Variants in NEB observed in about 807,000 individuals in gnomAD.
The protein encoded by NEB is nemaline myopathy type 2.
A neutral mutation model predicts 952.2 loss-of-function variants in NEB; 512 were observed. That is an observed-to-expected ratio of 0.54 (90% confidence interval 0.50 to 0.58). The LOEUF (loss-of-function observed/expected upper bound fraction) is 0.58, where lower values mean the gene tolerates loss of function less well. NEB is among the 20% of genes least tolerant of loss of function. The pLI is 0.00. For synonymous variants in NEB, 2,900 were observed against 3,149.8 expected (o/e 0.92, Z 2.66); for missense variants, 8,428 against 9,231.1 (o/e 0.91, Z 3.56).
At chr2:151,698,559 A>G (rs1266881651) in intron 13 of NEB, among the ~76,000 whole-genome samples, 1 of 151,648 alleles carries the variant, frequency 6.6e-6, no homozygotes, top group Non-Finnish European at 1.5e-5. Flanking sequence ...ATGAAATGTG[A>G]TCTTTTCTTT....
At chr2:151,541,692 C>G in intron 135 of NEB, 141 bp from the exon 136 acceptor site, 1 of 638,696 alleles carries the variant, frequency 1.6e-6, no homozygotes, top group Non-Finnish European at 2.8e-6. Context: ...ATAAACCAAC[C>G]TTTTATTTAC....
At chr2:151,694,984 T>C (rs1176773808) in intron 18 of NEB, among the ~76,000 whole-genome samples, 2 of 152,216 alleles carry the variant, frequency 1.3e-5, no homozygotes, top group Admixed American at 1.3e-4. Flanking sequence ...TTAAGTTCTC[T>C]GCAAAGGTTA....
At chr2:151,633,631 C>T (rs1204821495) in intron 65 of NEB, 23 bp downstream of exon 65, 6 of 1,592,900 alleles carry the variant, frequency 3.8e-6, no homozygotes, top group Non-Finnish European at 5.1e-6. Context: ...ATGCACAGCT[C>T]CATTTATAGA....
chr2:151,560,144 T>C (rs1335965700), intron 124 of NEB, among the ~76,000 whole-genome samples: 8 of 152,302 alleles, frequency 5.3e-5, no homozygotes, highest in African/African-American at 1.9e-4. Context: ...AATTAAACAA[T>C]TTTTAAATGT....
intron 161 of NEB, among the ~76,000 whole-genome samples, chr2:151,511,858 GT>G (rs2074658351): frequency 6.6e-6 from 1 of 152,008 alleles, no homozygotes; most frequent in South Asian, 2.1e-4. Context: ...GGGCTACTTT[GT>G]TTCTTCCAGA....
rs758782126 is a variant in NEB at position 151,570,134 on chromosome 2, G to A, written c.17377C>T (p.Pro5793Ser). 1 of 1,612,684 alleles carries A rather than the reference G, an allele frequency of 6.2e-7. No homozygotes were observed. Among genetic ancestry groups the A allele is most frequent in the Non-Finnish European group, 8.5e-7 (1 of 1,179,260 alleles). ...RNYLHQWTCM[P>S]DQNDVIQAKK... is the part of the protein sequence containing the mutation. ...GCCTGAATCACATCGTTCTGGTCGG[G>A]CATGCAGGTCCACTGGTGCAGGTAA... Residue 5793 changes from proline to serine, a missense_variant, in exon 109 of 182, where the codon CCC (proline) becomes TCC (serine). Transcript: ENST00000397345.
At chr2:151,631,514 T>C (rs573452969) in intron 65 of NEB, among the ~76,000 whole-genome samples, 168 bp from the exon 66 acceptor site, 1 of 152,238 alleles carries the variant, frequency 6.6e-6, no homozygotes, top group African/African-American at 2.4e-5. Context: ...CCCAGAAATA[T>C]CTCCTAGCCA....
intron 34 of NEB, among the ~76,000 whole-genome samples, chr2:151,676,321 A>G (rs561427003): frequency 2.4e-4 from 36 of 152,324 alleles, no homozygotes; most frequent in Non-Finnish European, 5.0e-4. Context: ...CTTCTCTGCC[A>G]TTGCTACTGC....
chr2:151,620,347 G>GTATA (rs71000481), intron 72 of NEB, among the ~76,000 whole-genome samples: 2,278 of 47,498 alleles, frequency 0.048, 64 homozygotes, highest in African/African-American at 0.051. Context: ...GTATGTGTGT[G>GTATA]TATATATATA....
chr2:151,494,028 G>C, intron 174 of NEB, 133 bp downstream of exon 174: 3 of 910,356 alleles, frequency 3.3e-6, no homozygotes, highest in Admixed American at 2.2e-5. Flanking sequence ...AGTAAATGTA[G>C]TGTGATATTT....
intron 2 of NEB, among the ~76,000 whole-genome samples, 192 bp from the exon 3 acceptor site, chr2:151,733,377 T>G (rs892890759): frequency 6.6e-6 from 1 of 152,236 alleles, no homozygotes; most frequent in African/African-American, 2.4e-5. Flanking sequence ...TTCTCTTTAT[T>G]CCTTCAGTGT....
chr2:151,505,246 T>A (rs1234280771), intron 165 of NEB, among the ~76,000 whole-genome samples: 1 of 152,204 alleles, frequency 6.6e-6, no homozygotes, highest in East Asian at 1.9e-4. Flanking sequence ...GAGCTTCAAG[T>A]CAGTGACAGG....
At chr2:151,630,200 AC>A in intron 67 of NEB, among the ~76,000 whole-genome samples, 1 of 152,322 alleles carries the variant, frequency 6.6e-6, no homozygotes, top group Middle Eastern at 3.4e-3. Context: ...ATATTAATAA[AC>A]CACGTGTCTA....
intron 169 of NEB, 32 bp from the exon 170 acceptor site, chr2:151,498,384 A>C: frequency 6.8e-7 from 1 of 1,469,408 alleles, no homozygotes; most frequent in Non-Finnish European, 9.3e-7. Flanking sequence ...AGAACAAAAA[A>C]AGCAATCAAT....
At chr2:151,644,423 G>A in intron 56 of NEB, 45 bp downstream of exon 56, 1 of 1,516,710 alleles carries the variant, frequency 6.6e-7, no homozygotes, top group Non-Finnish European at 9.1e-7. Context: ...GCTTTGAAGT[G>A]ATAAATTGCA....
At position 151,619,434 on chromosome 2, in the gene NEB, A is replaced by G. The variant is rs1216757775; in HGVS notation, c.10872+17T>C. 1 of 1,576,332 alleles carries G rather than the reference A, an allele frequency of 6.3e-7. No individual in the cohort carries two copies. The highest frequency in any genetic ancestry group is 1.3e-5 in the African/African-American group (1 of 74,342). On this transcript the variant is annotated intron_variant, in intron 73 of 181. Coordinates refer to ENST00000397345, the MANE Select transcript of NEB (RefSeq NM_001164508.2). ...GATCCGCTTTTAACATGCAGAGCTA[A>G]CATCAAGGAAACTTACGTCACTCTG...
Position 151,610,749 on chromosome 2 carries a change from G to T in NEB, c.11910+13C>A. 1 of 1,601,234 alleles carries T rather than the reference G, an allele frequency of 6.2e-7. No homozygotes were observed. Among genetic ancestry groups the T allele is most frequent in the Non-Finnish European group, 8.5e-7 (1 of 1,169,730 alleles). ...TAATCTTAGGTTTAAGCAACAATCA[G>T]GAAATCTCTTACTTGGCTGATATTG... On this transcript the variant is annotated intron_variant, in intron 79 of 181. Transcript: ENST00000397345.
rs773833788 is a variant in NEB at position 151,631,260 on chromosome 2, A to C, written c.9501T>G (p.Ala3167=). Residue 3167 remains alanine (A), a synonymous_variant, in exon 66 of 182, where the codon GCT becomes GCG. Coordinates refer to ENST00000397345, the MANE Select transcript of NEB (RefSeq NM_001164508.2). Reference sequence around the variant, plus strand: ...AGATGTTATCACTCAGTATTTCGGTAGCTCTCTTGCACTTGACCACATCCA... The same window carrying C: ...AGATGTTATCACTCAGTATTTCGGTCGCTCTCTTGCACTTGACCACATCCA... ...GSMDVVKCKR[A]TEILSDNIYR... The C allele has an allele frequency of 3.7e-6, 6 of 1,613,964 alleles. No individual in the cohort carries two copies. In the East Asian group the frequency reaches 1.3e-4, roughly 36 times the overall value.
Position 151,672,482 on chromosome 2 carries a change from C to A in NEB, c.4186G>T (p.Ala1396Ser), listed in dbSNP as rs759709450. 18 of 1,613,864 alleles carry A rather than the reference C, an allele frequency of 1.1e-5. No homozygotes were observed. In the African/African-American group the frequency reaches 1.9e-4, roughly 17 times the overall value. ...TTGACATTGGTAGCGACATCCTGGGCCATCTTTGCAGCTGTGATGCTAACC... is the reference window on the plus strand; with the variant it reads ...TTGACATTGGTAGCGACATCCTGGGACATCTTTGCAGCTGTGATGCTAACC... ...DMVSITAAKM[A>S]QDVATNVNYK... is the part of the protein sequence containing the mutation. Residue 1396 changes from alanine (A) to serine (S), a missense_variant, in exon 37 of 182, where the codon GCC becomes TCC. Ala to Ser is a moderately conservative substitution (Grantham distance 99, BLOSUM62 1). Coordinates refer to ENST00000397345, the MANE Select transcript of NEB (RefSeq NM_001164508.2).
Sources: allele counts gnomAD v4.1 joint callset (sites outside exome capture counted in the v4.1 genomes callset), GRCh38; gene constraint gnomAD v4.1.1; transcripts MANE v1.5; gene names NCBI Gene and HGNC (gene_info 2026-07-23, HGNC 2026-07-21).